The following FIRRM variants were observed in gnomAD, a reference collection of about 807,000 sequenced individuals.
FIRRM encodes FIGNL1-interacting regulator of recombination and mitosis.
At chr1:169,853,736 T>G in the FIRRM span, 5 of 1,613,868 alleles carry the variant, frequency 3.1e-6, no homozygotes, top group Admixed American at 8.3e-5. Context: ...TCTTCCCAGT[T>G]CAGCTCCCCT....
chr1:169,830,821 T>G, the FIRRM span: 1 of 1,304,924 alleles, frequency 7.7e-7, no homozygotes, highest in East Asian at 2.3e-5. Context: ...TCTTTAAGAA[T>G]GTGAATATCG....
chr1:169,828,371 T>G, the FIRRM span, among the ~76,000 whole-genome samples: 18,837 of 152,212 alleles, frequency 0.12, 1,368 homozygotes, highest in Admixed American at 0.19. Flanking sequence ...AAACATAATG[T>G]TAGAACTTCT....
At chr1:169,794,886 C>G in the FIRRM span, 1 of 558,118 alleles carries the variant, frequency 1.8e-6, no homozygotes, top group Non-Finnish European at 3.2e-6. Flanking sequence ...ACGCCTCCTC[C>G]GGACCTAAAT....
At chr1:169,811,840 A>G in the FIRRM span, among the ~76,000 whole-genome samples, 10 of 149,054 alleles carry the variant, frequency 6.7e-5, no homozygotes, top group African/African-American at 2.4e-4. Context: ...TAGATAATAG[A>G]TTATCTAAAT....
chr1:169,792,382 T>A, the FIRRM span: 2 of 431,086 alleles, frequency 4.6e-6, no homozygotes, highest in African/African-American at 4.1e-5. Flanking sequence ...GGAGATCTCA[T>A]CAAATGCACG....
the FIRRM span, among the ~76,000 whole-genome samples, chr1:169,791,131 G>A: frequency 1.1e-4 from 16 of 152,282 alleles, no homozygotes; most frequent in African/African-American, 1.7e-4. Flanking sequence ...ACCTCCTGCC[G>A]TGCAGCTCAG....
the FIRRM span, among the ~76,000 whole-genome samples, chr1:169,828,038 T>TA: frequency 6.6e-6 from 1 of 152,194 alleles, no homozygotes; most frequent in Non-Finnish European, 1.5e-5. Context: ...TATTAGATGC[T>TA]AAAAATATTT....
the FIRRM span, among the ~76,000 whole-genome samples, chr1:169,814,498 G>A: frequency 0.7 from 106,945 of 152,080 alleles, 37,795 homozygotes; most frequent in Middle Eastern, 0.85. Flanking sequence ...CCATCCCCAC[G>A]TGAGCAGTTT....
chr1:169,820,084 G>A, the FIRRM span, among the ~76,000 whole-genome samples: 1 of 152,332 alleles, frequency 6.6e-6, no homozygotes, highest in Admixed American at 6.5e-5. Context: ...AGCAAGTACT[G>A]CCATGTGGTT....
At chr1:169,806,729 G>A in the FIRRM span, among the ~76,000 whole-genome samples, 2 of 152,204 alleles carry the variant, frequency 1.3e-5, no homozygotes, top group Non-Finnish European at 2.9e-5. Flanking sequence ...GTGGTTAAGA[G>A]TGTTGCCTGG....
the FIRRM span, chr1:169,795,138 TC>T: frequency 1.8e-5 from 28 of 1,535,932 alleles, no homozygotes; most frequent in Non-Finnish European, 2.4e-5. Flanking sequence ...CTAGCGCGGT[TC>T]CCCTGGAAGA....
chr1:169,794,764 C>T, the FIRRM span: 1 of 192,288 alleles, frequency 5.2e-6, no homozygotes, highest in Non-Finnish European at 1.1e-5. Flanking sequence ...GAAGTGGGGA[C>T]TTCTGGCCCT....
chr1:169,842,505 T>C, the FIRRM span: 11 of 1,614,016 alleles, frequency 6.8e-6, no homozygotes, highest in Non-Finnish European at 9.3e-6. Context: ...ATCGAAGTTG[T>C]GAGTCAGCTT....
At chr1:169,849,852 A>C in the FIRRM span, 2 of 505,898 alleles carry the variant, frequency 4.0e-6, no homozygotes, top group Non-Finnish European at 7.1e-6. Flanking sequence ...CTACTGATAC[A>C]GACAGACACA....
At chr1:169,852,668 C>A in the FIRRM span, 2 of 1,024,720 alleles carry the variant, frequency 2.0e-6, no homozygotes, top group Non-Finnish European at 2.9e-6. Flanking sequence ...TGGGGTGCAT[C>A]CTCCTACCCT....
chr1:169,812,896 C>T, the FIRRM span, among the ~76,000 whole-genome samples: 1 of 151,738 alleles, frequency 6.6e-6, no homozygotes, highest in Non-Finnish European at 1.5e-5. Flanking sequence ...GAATTTTCAT[C>T]TACCCTATTT....
At chr1:169,835,529 T>C in the FIRRM span, among the ~76,000 whole-genome samples, 1 of 152,330 alleles carries the variant, frequency 6.6e-6, no homozygotes, top group Admixed American at 6.5e-5. Context: ...AAGTGTATTT[T>C]TTCTCTTTCC....
the FIRRM span, chr1:169,853,757 A>C: frequency 4.3e-6 from 7 of 1,613,964 alleles, no homozygotes; most frequent in Non-Finnish European, 5.9e-6. Context: ...TCTTCTTCCC[A>C]GCCTTCAGCC....
At chr1:169,852,056 C>T in the FIRRM span, 1 of 1,378,456 alleles carries the variant, frequency 7.3e-7, no homozygotes, top group Non-Finnish European at 1.0e-6. Flanking sequence ...TCAAATAGAT[C>T]TAGACATGTA....
Sources: gnomAD v4.1 joint callset for allele counts (sites outside exome capture counted in the v4.1 genomes callset) on GRCh38, gnomAD v4.1.1 for gene constraint, MANE v1.5 for transcripts, NCBI Gene and HGNC (gene_info 2026-07-23, HGNC 2026-07-21) for gene names.